YLPM1: variants seen among roughly 807,000 people sequenced by gnomAD.
YLPM1 encodes the protein YLP motif containing 1, also known as YLP motif-containing protein 1.
A neutral mutation model predicts 230.0 loss-of-function variants in YLPM1; 99 were observed. The ratio of observed to expected loss-of-function variants is 0.43; its 90% CI spans 0.37 to 0.51. YLPM1 has a LOEUF of 0.51. Ranked by LOEUF, YLPM1 falls within the 20% of genes least tolerant of loss-of-function variation. YLPM1 has a pLI of 0.00. For synonymous variants in YLPM1, 984 were observed against 942.5 expected (o/e 1.04, Z -0.81); for missense variants, 2,592 against 2,707.7 (o/e 0.96, Z 0.95).
At chr14:74,792,409 G>A (rs2140101985) in intron 4 of YLPM1, among the ~76,000 whole-genome samples, 1 of 152,300 alleles carries the variant, frequency 6.6e-6, no homozygotes, top group Non-Finnish European at 1.5e-5. Flanking sequence ...TACTTAGCAT[G>A]CTCATAATCT....
chr14:74,815,373 T>G (rs1268616428), intron 11 of YLPM1, among the ~76,000 whole-genome samples: 1 of 151,948 alleles, frequency 6.6e-6, no homozygotes, highest in Non-Finnish European at 1.5e-5. Context: ...ACCAGCCTGG[T>G]CAACACGGTG....
In YLPM1 at chr14:74,802,647, A is replaced by G; in HGVS notation, c.4492A>G (p.Asn1498Asp). 6.2e-7 allele frequency: 1 copy of G among 1,613,036 alleles called. No individual in the cohort carries two copies. Among genetic ancestry groups the G allele is most frequent in the Non-Finnish European group, 8.5e-7 (1 of 1,179,500 alleles). Reference protein sequence around the residue: ...HLPPQESRLQNTSSRPGMYPP... With the variant: ...HLPPQESRLQDTSSRPGMYPP... The stretch of plus-strand genomic sequence containing the variant: ...ACCACCTCAGGAATCAAGATTGCAG[A>G]ATACATCTTCAAGACCTGGAATGTA... Residue 1498 changes from asparagine (N) to aspartate (D), a missense_variant, in exon 6 of 21, where the codon AAT (asparagine) becomes GAT (aspartate). Around this residue, in one of 4 missense-constraint regions of YLPM1, gnomAD observed 403 missense variants for 426.7 expected, o/e 0.94. Coordinates refer to ENST00000325680, the MANE Select transcript of YLPM1 (RefSeq NM_019589.3).
At chr14:74,801,866 C>G (rs1464535948) in intron 5 of YLPM1, among the ~76,000 whole-genome samples, 1 of 152,094 alleles carries the variant, frequency 6.6e-6, no homozygotes, top group Admixed American at 6.5e-5. Flanking sequence ...TTTTGAAAAC[C>G]TTTTTAGGCC....
intron 4 of YLPM1, among the ~76,000 whole-genome samples, chr14:74,796,933 C>T (rs1309757887): frequency 7.1e-6 from 1 of 140,714 alleles, no homozygotes; most frequent in African/African-American, 2.6e-5. Flanking sequence ...AATGAGCAGC[C>T]TTTTCTGTCT....
Position 74,799,572 on chromosome 14 carries a change from T to A in YLPM1, c.4275T>A (p.His1425Gln). 6.2e-7 allele frequency: 1 copy of A among 1,613,922 alleles called. No homozygotes were observed. Among genetic ancestry groups the A allele is most frequent in the African/African-American group, 1.3e-5 (1 of 75,032 alleles). The change falls in exon 5 of 21, where the codon CAT becomes CAA. Residue 1425 changes from histidine to glutamine, a missense_variant. Transcript: ENST00000325680. ...CGGAACATATGCCCTCCTCACATCA[T>A]TCCTCAGAAATGATGGGGTCCGATG... Reference protein sequence around the residue: ...PMAEHMPSSHHSSEMMGSDAS... With the variant: ...PMAEHMPSSHQSSEMMGSDAS...
intron 1 of YLPM1, among the ~76,000 whole-genome samples, chr14:74,773,711 CTTTTTTTTTTTT>C (rs766885242): frequency 8.3e-5 from 5 of 60,562 alleles, no homozygotes; most frequent in African/African-American, 1.5e-4. Flanking sequence ...TGTTTTCTTT[CTTTTTTTTTTTT>C]TTTTTTTTTT....
chr14:74,767,721 T>C (rs938215197), intron 1 of YLPM1, among the ~76,000 whole-genome samples: 3 of 152,228 alleles, frequency 2.0e-5, no homozygotes, highest in Non-Finnish European at 4.4e-5. Context: ...TTGAACTTGA[T>C]GAAAAATCTG....
intron 19 of YLPM1, among the ~76,000 whole-genome samples, chr14:74,834,252 A>G (rs1432536652): frequency 6.6e-6 from 1 of 151,944 alleles, no homozygotes; most frequent in Non-Finnish European, 1.5e-5. Flanking sequence ...TATATTAAAA[A>G]TCAGAATACC....
At position 74,780,516 on chromosome 14, in the gene YLPM1, A is replaced by C; in HGVS notation, c.1222A>C (p.Lys408Gln). The C allele has an allele frequency of 1.2e-6, 2 of 1,614,004 alleles. No homozygotes were observed. Among genetic ancestry groups the C allele is most frequent in the Non-Finnish European group, 1.7e-6 (2 of 1,179,874 alleles). Residue 408 changes from lysine (K) to glutamine (Q), a missense_variant, in exon 3 of 21, where the codon AAG becomes CAG. Coordinates refer to ENST00000325680, the MANE Select transcript of YLPM1 (RefSeq NM_019589.3). ...VGFQYQGIMQ[K>Q]HTQLQQILQQ... ...TTTCCAGTATCAGGGAATAATGCAG[A>C]AGCACACTCAGTTACAGCAGATTCT...
At position 74,764,311 on chromosome 14, in the gene YLPM1, T is replaced by A; in HGVS notation, c.822T>A (p.Thr274=). 2 of 1,613,602 alleles carry A rather than the reference T, an allele frequency of 1.2e-6. No homozygotes were observed. The highest frequency in any genetic ancestry group is 1.7e-6 in the Non-Finnish European group (2 of 1,179,772). Reference sequence around the variant, plus strand: ...AGAGTGGGGCCAAAAACAAGAGTACTGAACAGCAGCAAGCCGCCCCTGAGC... The same window carrying A: ...AGAGTGGGGCCAAAAACAAGAGTACAGAACAGCAGCAAGCCGCCCCTGAGC... ...PLESGAKNKS[T]EQQQAAPEPD... Residue 274 remains threonine (T), a synonymous_variant, in exon 1 of 21, where the codon ACT becomes ACA. Coordinates refer to ENST00000325680, the MANE Select transcript of YLPM1 (RefSeq NM_019589.3).
chr14:74,774,700 T>C (rs1234618991), intron 1 of YLPM1, among the ~76,000 whole-genome samples: 1 of 151,458 alleles, frequency 6.6e-6, no homozygotes, highest in African/African-American at 2.4e-5. Context: ...GCCACTGCGC[T>C]CCGCCTTTTT....
intron 4 of YLPM1, among the ~76,000 whole-genome samples, chr14:74,790,769 A>G (rs925291539): frequency 2.6e-5 from 4 of 152,170 alleles, no homozygotes; most frequent in African/African-American, 7.2e-5. Flanking sequence ...ACATGTTTTT[A>G]TATGTCAAAA....
chr14:74,785,369 A>G (rs1277063674), intron 4 of YLPM1, among the ~76,000 whole-genome samples: 1 of 152,184 alleles, frequency 6.6e-6, no homozygotes, highest in Non-Finnish European at 1.5e-5. Flanking sequence ...TACTCACATT[A>G]TCCACCTTGT....
At position 74,811,714 on chromosome 14, in the gene YLPM1, T is replaced by C. The variant is rs1315309703; in HGVS notation, c.5323T>C (p.Tyr1775His). 4 of 1,603,466 alleles carry C rather than the reference T, an allele frequency of 2.5e-6. No individual in the cohort carries two copies. The highest frequency in any genetic ancestry group is 3.4e-6 in the Non-Finnish European group (4 of 1,177,290). The change falls in exon 10 of 21, where the codon TAT (tyrosine) becomes CAT (histidine). Residue 1775 changes from tyrosine (Y) to histidine (H), a missense_variant. Physicochemically the swap from Tyr to His is moderately conservative, Grantham distance 83. Transcript: ENST00000325680. The part of the protein sequence containing the change: ...SYDRKSDRPV[Y>H]EGPSMFGGER... ...TGACCGGAAGTCTGACCGACCAGTC[T>C]ATGAAGGACCATCCATGTTTGGAGG... is the stretch of plus-strand genomic sequence containing the variant.
At chr14:74,804,849 AATC>A (rs1354511658) in intron 6 of YLPM1, among the ~76,000 whole-genome samples, 1 of 152,198 alleles carries the variant, frequency 6.6e-6, no homozygotes, top group Non-Finnish European at 1.5e-5. Flanking sequence ...AACAAATCAT[AATC>A]ATCTTTCCAT....
chr14:74,786,024 G>A (rs2091146256), intron 4 of YLPM1, among the ~76,000 whole-genome samples: 1 of 151,908 alleles, frequency 6.6e-6, no homozygotes, highest in Non-Finnish European at 1.5e-5. Context: ...TAACAGAGAA[G>A]TGCACAATTT....
Position 74,789,987 on chromosome 14 carries a change from G to A in YLPM1, c.2283-7593G>A, listed in dbSNP as rs1368238621. Among the ~76,000 whole-genome samples the A allele has an allele frequency of 2.6e-5, 4 of 151,902 alleles. No homozygotes were observed. In the South Asian group the frequency reaches 6.2e-4, roughly 24 times the overall value. Reference sequence around the variant, plus strand: ...CACTTTTAACTGTATTTGGAACATAGGCCATAGTTTGCTGACCCCTGTTCT... The same window carrying A: ...CACTTTTAACTGTATTTGGAACATAAGCCATAGTTTGCTGACCCCTGTTCT... On this transcript the variant is annotated intron_variant, in intron 4 of 20. Coordinates refer to ENST00000325680, the MANE Select transcript of YLPM1 (RefSeq NM_019589.3).
intron 19 of YLPM1, among the ~76,000 whole-genome samples, chr14:74,833,661 A>G (rs2091624025): frequency 6.6e-6 from 1 of 152,220 alleles, no homozygotes; most frequent in South Asian, 2.1e-4. Context: ...ACTAAAGCCC[A>G]TGAAAGACAT....
intron 4 of YLPM1, among the ~76,000 whole-genome samples, chr14:74,790,374 A>G (rs1214222289): frequency 6.6e-6 from 1 of 152,188 alleles, no homozygotes; most frequent in African/African-American, 2.4e-5. Flanking sequence ...TCACGTGAAA[A>G]GAAAACAGGA....
Sources: gnomAD v4.1 joint callset for allele counts (sites outside exome capture counted in the v4.1 genomes callset) on GRCh38, gnomAD v4.1.1 for gene constraint, gnomAD v4.1.1 regional missense constraint, MANE v1.5 for transcripts, NCBI Gene and HGNC (gene_info 2026-07-23, HGNC 2026-07-21) for gene names.